LMOD1: variants seen among roughly 807,000 people sequenced by gnomAD.
The protein encoded by LMOD1 is leiomodin-1.
Under a neutral mutation model 36.5 loss-of-function variants are expected in LMOD1, and 8 were observed. That is an observed-to-expected ratio of 0.22 (90% CI 0.13 to 0.40). The LOEUF is 0.40. LMOD1 is among the 10% of genes least tolerant of loss of function. The probability of loss-of-function intolerance (pLI) is 1.00; values close to 1 mark genes in which losing one functional copy is unlikely to be tolerated. For synonymous variants in LMOD1, 284 were observed against 288.7 expected (o/e 0.98, Z 0.17); for missense variants, 630 against 751.1 (o/e 0.84, Z 1.88).
intron 1 of LMOD1, among the ~76,000 whole-genome samples, chr1:201,914,694 C>T (rs1681570750): frequency 1.3e-5 from 2 of 152,074 alleles, no homozygotes; most frequent in South Asian, 4.1e-4. Flanking sequence ...ACCTCTTCTA[C>T]AAACTCACCT....
rs1252618621 is a variant in LMOD1, at chr1:201,897,815, C to G, written c.*557G>C. 1 of 153,624 alleles carries G rather than the reference C, an allele frequency of 6.5e-6. No individual in the cohort carries two copies. Among genetic ancestry groups the G allele is most frequent in the Non-Finnish European group, 1.5e-5 (1 of 68,718 alleles). The allele number at this position is 153,624 out of a possible 1,614,324, so 9.5% of individuals were successfully genotyped here. On this transcript the variant is annotated 3_prime_UTR_variant, in exon 3 of 3. Transcript: ENST00000367288. ...CTACTCCCATCAGGCACTGTGCATC[C>G]AGGCCACTGCCCCTGCCACATCCTC...
chr1:201,900,726 G>C lies in LMOD1; in HGVS notation c.287C>G (p.Thr96Arg). 6.3e-7 allele frequency: 1 copy of C among 1,598,728 alleles called. No homozygotes were observed. The highest frequency in any genetic ancestry group is 8.5e-7 in the Non-Finnish European group (1 of 1,174,184). Reference sequence around the variant, plus strand: ...CCTTTCCTCTCCATTCTTGGCATCTGTCTTGGTCTCCACTTGCTTGCTTTC... The same window carrying C: ...CCTTTCCTCTCCATTCTTGGCATCTCTCTTGGTCTCCACTTGCTTGCTTTC... ...MDESKQVETKTDAKNGEERGR... is the reference protein window; with the variant it reads ...MDESKQVETKRDAKNGEERGR... Residue 96 changes from threonine (T) to arginine (R), a missense_variant, in exon 2 of 3, where the codon ACA (threonine) becomes AGA (arginine). Coordinates refer to ENST00000367288, the MANE Select transcript of LMOD1 (RefSeq NM_012134.3).
In LMOD1 at chr1:201,899,398, G is replaced by T; in HGVS notation, c.1615C>A (p.Pro539Thr). The T allele has an allele frequency of 6.2e-7, 1 of 1,612,460 alleles. No individual in the cohort carries two copies. The highest frequency in any genetic ancestry group is 8.5e-7 in the Non-Finnish European group (1 of 1,178,694). Residue 539 changes from proline to threonine, a missense_variant, in exon 2 of 3, where the codon CCT becomes ACT. By Grantham distance (38) the Pro-to-Thr change is conservative. This residue lies in a region of LMOD1 where 144 missense variants were observed against 169.8 expected (regional missense o/e 0.85). Coordinates refer to ENST00000367288, the MANE Select transcript of LMOD1 (RefSeq NM_012134.3). This position sits in a 1 kb window ranked among gnomAD's most constrained non-coding sequence, Gnocchi z 6.3. ...GAPAAPPPPP[P>T]PLAPPLIMEN... is the part of the protein sequence containing the mutation. ...ATGATAAGGGGTGGAGCCAAGGGAGGGGGAGGGGGTGGTGGGGCAGCTGGA... is the reference window on the plus strand; with the variant it reads ...ATGATAAGGGGTGGAGCCAAGGGAGTGGGAGGGGGTGGTGGGGCAGCTGGA...
At chr1:201,944,726 G>A (rs1449646709) in intron 1 of LMOD1, among the ~76,000 whole-genome samples, 1 of 33,624 alleles carries the variant, frequency 3.0e-5, no homozygotes, top group Non-Finnish European at 8.4e-5. Context: ...AACATAGGTG[G>A]TGGGGCGGGG....
At chr1:201,945,246 CA>C (rs1682183583) in intron 1 of LMOD1, among the ~76,000 whole-genome samples, 1 of 152,080 alleles carries the variant, frequency 6.6e-6, no homozygotes, top group Non-Finnish European at 1.5e-5. Context: ...CTCAGGAAAA[CA>C]GAAAGCAAGT....
chr1:201,908,535 TC>T (rs1681445181), intron 1 of LMOD1, among the ~76,000 whole-genome samples: 1 of 152,094 alleles, frequency 6.6e-6, no homozygotes, highest in African/African-American at 2.4e-5. Context: ...GCACAGTTAA[TC>T]CCCTGAAAAA....
chr1:201,910,577 C>A (rs544017100), intron 1 of LMOD1, among the ~76,000 whole-genome samples: 2 of 151,854 alleles, frequency 1.3e-5, no homozygotes, highest in East Asian at 1.9e-4. Flanking sequence ...AGCCACCATG[C>A]CCAGCCTGTA....
chr1:201,904,017 CA>C (rs1301499594), intron 1 of LMOD1, among the ~76,000 whole-genome samples: 2 of 152,192 alleles, frequency 1.3e-5, no homozygotes, highest in African/African-American at 4.8e-5. Flanking sequence ...CCTTCCCCAT[CA>C]GGGGCCAAAG....
intron 1 of LMOD1, among the ~76,000 whole-genome samples, chr1:201,917,129 C>CT (rs1249540811): frequency 2.0e-5 from 3 of 152,166 alleles, no homozygotes; most frequent in Non-Finnish European, 4.4e-5. Flanking sequence ...TGGCTGGGCA[C>CT]TTACACTGCA....
Position 201,898,413 on chromosome 1 carries a change from T to G in LMOD1, c.1777-15A>C. 6.2e-7 allele frequency: 1 copy of G among 1,611,224 alleles called. No homozygotes were observed. Among genetic ancestry groups the G allele is most frequent in the Non-Finnish European group, 8.5e-7 (1 of 1,178,776 alleles). ...GGCACTTCCACCTGTAGGGGCAAAG[T>G]AGAGACAGGTTAGAGAAGGGAGCTC... On this transcript the variant is annotated splice_polypyrimidine_tract_variant and intron_variant, in intron 2 of 2. Transcript: ENST00000367288.
At chr1:201,920,475 G>A (rs563220773) in intron 1 of LMOD1, among the ~76,000 whole-genome samples, 61 of 152,216 alleles carry the variant, frequency 4.0e-4, no homozygotes, top group South Asian at 1.7e-3. Flanking sequence ...TGGAGACACC[G>A]GTTTTTCCTA....
chr1:201,920,097 C>T (rs187972178), intron 1 of LMOD1, among the ~76,000 whole-genome samples: 1 of 132,824 alleles, frequency 7.5e-6, no homozygotes, highest in Non-Finnish European at 1.6e-5. Flanking sequence ...GTTCTTGTCA[C>T]CCAGGCAGCT....
intron 1 of LMOD1, among the ~76,000 whole-genome samples, chr1:201,923,852 G>A (rs1484559477): frequency 1.3e-5 from 2 of 150,426 alleles, no homozygotes; most frequent in Non-Finnish European, 1.5e-5. Flanking sequence ...GTGACCGGGA[G>A]TGTGATGCTG....
intron 1 of LMOD1, among the ~76,000 whole-genome samples, chr1:201,941,897 G>C (rs550213275): frequency 2.0e-5 from 3 of 152,230 alleles, no homozygotes; most frequent in Non-Finnish European, 4.4e-5. Flanking sequence ...GAGAAGGGAG[G>C]GGGAGGCAGG....
intron 1 of LMOD1, among the ~76,000 whole-genome samples, chr1:201,924,760 T>C (rs1481767589): frequency 6.6e-6 from 1 of 152,040 alleles, no homozygotes; most frequent in African/African-American, 2.4e-5. Context: ...CATAGTGGCA[T>C]GTGCCTGCAG....
chr1:201,908,484 A>T (rs1435451221), intron 1 of LMOD1, among the ~76,000 whole-genome samples: 1 of 152,226 alleles, frequency 6.6e-6, no homozygotes, highest in East Asian at 1.9e-4. Flanking sequence ...GGGCTTATAC[A>T]CAAAAACCCA....
At chr1:201,938,364 G>C (rs920461232) in intron 1 of LMOD1, among the ~76,000 whole-genome samples, 9 of 152,186 alleles carry the variant, frequency 5.9e-5, no homozygotes, top group Middle Eastern at 3.4e-3. Flanking sequence ...CCCCACCTCA[G>C]GTGATCTGCC....
chr1:201,935,986 G>A (rs112780450), intron 1 of LMOD1, among the ~76,000 whole-genome samples: 2,604 of 150,832 alleles, frequency 0.017, 29 homozygotes, highest in Non-Finnish European at 0.025. Context: ...GTGGTGGCAG[G>A]CGCCTGTAAT....
At chr1:201,945,922 C>A (rs549579246) in intron 1 of LMOD1, among the ~76,000 whole-genome samples, 158 bp downstream of exon 1, 1 of 152,140 alleles carries the variant, frequency 6.6e-6, no homozygotes, top group Non-Finnish European at 1.5e-5. Context: ...GTAAGAGATT[C>A]GCACCGCTAG....
Sources: gnomAD v4.1 joint callset for allele counts (sites outside exome capture counted in the v4.1 genomes callset) on GRCh38, gnomAD v4.1.1 for gene constraint, gnomAD v4.1.1 regional missense constraint, Gnocchi (gnomAD v3.1) non-coding constraint, MANE v1.5 for transcripts, NCBI Gene and HGNC (gene_info 2026-07-23, HGNC 2026-07-21) for gene names.